PC: variants seen among roughly 807,000 people sequenced by gnomAD.
PC encodes the protein pyruvate carboxylase.
In PC, 46 loss-of-function variants were observed where a neutral mutation model predicts 107.8. That is an observed-to-expected ratio of 0.43 (90% confidence interval 0.34 to 0.55). The LOEUF (loss-of-function observed/expected upper bound fraction) is 0.55. PC is among the 20% of genes least tolerant of loss of function. The probability of loss-of-function intolerance (pLI) is 0.04; values close to 1 mark genes in which losing one functional copy is unlikely to be tolerated. For missense variants in PC, 1,241 were observed against 1,643.1 expected (o/e 0.76, Z 4.23); for synonymous variants, 662 against 684.7 (o/e 0.97, Z 0.52).
At chr11:66,957,049 G>C (rs1204066611) in intron 1 of PC, among the ~76,000 whole-genome samples, 1 of 152,256 alleles carries the variant, frequency 6.6e-6, no homozygotes, top group Non-Finnish European at 1.5e-5. Context: ...AGGAGAGCCT[G>C]CAGGCAGGAA....
chr11:66,882,810 G>A (rs943169250), intron 3 of PC, among the ~76,000 whole-genome samples: 4 of 152,210 alleles, frequency 2.6e-5, no homozygotes, highest in African/African-American at 9.7e-5. Context: ...ACGGGCCCCA[G>A]GGCTGGCAGC....
At chr11:66,868,624 T>G (rs940497382) in intron 10 of PC, among the ~76,000 whole-genome samples, 2 of 152,206 alleles carry the variant, frequency 1.3e-5, no homozygotes, top group Non-Finnish European at 2.9e-5. Context: ...AGAGGAGGGC[T>G]GTCAGTCATT....
rs375365758 is a variant in PC at position 66,871,398 on chromosome 11, C to G, written c.404G>C (p.Gly135Ala). The G allele has an allele frequency of 6.2e-7, 1 of 1,613,748 alleles. No individual in the cohort carries two copies. The highest frequency in any genetic ancestry group is 8.5e-7 in the Non-Finnish European group (1 of 1,180,036). ...ADFAQACQDA[G>A]VRFIGPSPEV... ...TGGGCTTGGCCCAATAAACCGGACC[C>G]CTGCATCCTGGCAGGCCTGGGCGAA... The change falls in exon 6 of 23, where the codon GGG (glycine) becomes GCG (alanine). Residue 135 changes from glycine to alanine, a missense_variant. Physicochemically the swap from Gly to Ala is moderately conservative, Grantham distance 60 (BLOSUM62 0). Around this residue, in one of 2 missense-constraint regions of PC, gnomAD observed 1,143 missense variants for 1,551.9 expected, o/e 0.74. Coordinates refer to ENST00000393960, the MANE Select transcript of PC (RefSeq NM_001040716.2). This position sits in a 1 kb window ranked among gnomAD's most constrained non-coding sequence, Gnocchi z 7.4.
chr11:66,923,111 A>AATCCCAGC (rs938081330), intron 3 of PC, among the ~76,000 whole-genome samples: 1 of 152,160 alleles, frequency 6.6e-6, no homozygotes, highest in Admixed American at 6.5e-5. Flanking sequence ...TCACGCCTGT[A>AATCCCAGC]ATCCCAGCAC....
intron 3 of PC, among the ~76,000 whole-genome samples, chr11:66,921,747 A>C (rs542234951): frequency 6.6e-6 from 1 of 152,318 alleles, no homozygotes; most frequent in South Asian, 2.1e-4. Context: ...GTAAGTAGAG[A>C]TAATACATGA....
chr11:66,858,717 T>G lies in PC; in HGVS notation c.1368+5057A>C, dbSNP rs1946039650. On this transcript the variant is annotated intron_variant, in intron 12 of 22. Coordinates refer to ENST00000393960, the MANE Select transcript of PC (RefSeq NM_001040716.2). The surrounding 1 kb of genome is among the most constrained non-coding windows in gnomAD (Gnocchi z 5.9). ...TCCTGACGACCGGTTGGTTGGCAAC[T>G]CCTCCCGAGCCCGGGCTTTCCCCAA... 6.4e-7 allele frequency: 1 copy of G among 1,551,960 alleles called. No homozygotes were observed. Among genetic ancestry groups the G allele is most frequent in the Non-Finnish European group, 8.7e-7 (1 of 1,146,622 alleles).
chr11:66,954,955 A>C (rs911717104), intron 1 of PC, among the ~76,000 whole-genome samples: 4 of 152,084 alleles, frequency 2.6e-5, no homozygotes, highest in African/African-American at 9.7e-5. Flanking sequence ...AAAAAAAAAA[A>C]ACACAGAAAA....
chr11:66,953,058 C>T (rs1376905065), intron 2 of PC, among the ~76,000 whole-genome samples: 2 of 152,250 alleles, frequency 1.3e-5, no homozygotes, highest in Admixed American at 1.3e-4. Flanking sequence ...ACACGCACAG[C>T]AGTGGCACCA....
At chr11:66,856,158 G>A (rs1945805039) in intron 12 of PC, among the ~76,000 whole-genome samples, 1 of 152,228 alleles carries the variant, frequency 6.6e-6, no homozygotes, top group Non-Finnish European at 1.5e-5. Flanking sequence ...CACGCCGGGA[G>A]CCCTTTCTCT....
chr11:66,952,352 A>C (rs1348006598), intron 3 of PC, 78 bp downstream of exon 3: 1 of 152,268 alleles, frequency 6.6e-6, no homozygotes, highest in Admixed American at 6.5e-5. Context: ...CTGACATGCC[A>C]AACTGCTGGC....
intron 3 of PC, among the ~76,000 whole-genome samples, chr11:66,946,079 C>A (rs1949279034): frequency 8.1e-6 from 1 of 124,198 alleles, no homozygotes; most frequent in Non-Finnish European, 1.6e-5. Flanking sequence ...GGCGACAGAG[C>A]GAGACTCCGT....
intron 3 of PC, among the ~76,000 whole-genome samples, chr11:66,917,956 T>C (rs943148243): frequency 6.6e-6 from 1 of 152,114 alleles, no homozygotes; most frequent in Non-Finnish European, 1.5e-5. Context: ...TGGAAGCTGG[T>C]TAGCTTTCCC....
At chr11:66,863,388 C>T (rs183263663) in intron 12 of PC, among the ~76,000 whole-genome samples, 6 of 152,290 alleles carry the variant, frequency 3.9e-5, no homozygotes, top group Admixed American at 1.3e-4. Context: ...CAGGTTCTGG[C>T]GCCTCTACCC....
intron 3 of PC, among the ~76,000 whole-genome samples, chr11:66,905,398 G>A (rs2136056319): frequency 6.6e-6 from 1 of 152,302 alleles, no homozygotes; most frequent in East Asian, 1.9e-4. Context: ...ACTCCAAGCT[G>A]ACTCTGTTCA....
intron 3 of PC, among the ~76,000 whole-genome samples, chr11:66,941,335 G>C (rs1007631922): frequency 2.0e-5 from 3 of 152,088 alleles, no homozygotes; most frequent in African/African-American, 4.8e-5. Context: ...CAGCAATCAG[G>C]TATATATCCA....
intron 3 of PC, among the ~76,000 whole-genome samples, chr11:66,925,544 T>C (rs1948696928): frequency 1.3e-5 from 2 of 152,324 alleles, no homozygotes; most frequent in Admixed American, 6.5e-5. Context: ...ATCGCTGTTA[T>C]CCTGTTCTTT....
chr11:66,852,646 C>T lies in PC; in HGVS notation c.1618G>A (p.Gly540Ser). ...TCTCGCAGCAGGATGTCTCTGAAACCAGCCGGGGGCGGGCCTAGGGTAGAC... is the reference window on the plus strand; with the variant it reads ...TCTCGCAGCAGGATGTCTCTGAAACTAGCCGGGGGCGGGCCTAGGGTAGAC... ...PAVPIGPPPAGFRDILLREGP... is the reference protein window; with the variant it reads ...PAVPIGPPPASFRDILLREGP... The change falls in exon 15 of 23, where the codon GGT becomes AGT. Residue 540 changes from glycine to serine, a missense_variant. Coordinates refer to ENST00000393960, the MANE Select transcript of PC (RefSeq NM_001040716.2). The surrounding 1 kb of genome is among the most constrained non-coding windows in gnomAD (Gnocchi z 4.7). The T allele has an allele frequency of 6.2e-7, 1 of 1,613,704 alleles. No individual in the cohort carries two copies. Among genetic ancestry groups the T allele is most frequent in the Non-Finnish European group, 8.5e-7 (1 of 1,179,700 alleles).
chr11:66,927,617 G>A (rs1053211614), intron 3 of PC, among the ~76,000 whole-genome samples: 1 of 151,932 alleles, frequency 6.6e-6, no homozygotes, highest in Non-Finnish European at 1.5e-5. Flanking sequence ...CAGCTACTAG[G>A]GAGGCTGAGG....
At chr11:66,880,365 C>T (rs1947143981) in intron 3 of PC, among the ~76,000 whole-genome samples, 1 of 152,160 alleles carries the variant, frequency 6.6e-6, no homozygotes, top group Non-Finnish European at 1.5e-5. Context: ...GGCAGACTCC[C>T]CCTGCTCCCC....
Sources: gnomAD v4.1 joint callset for allele counts (sites outside exome capture counted in the v4.1 genomes callset) on GRCh38, gnomAD v4.1.1 for gene constraint, gnomAD v4.1.1 regional missense constraint, Gnocchi (gnomAD v3.1) non-coding constraint, MANE v1.5 for transcripts, NCBI Gene and HGNC (gene_info 2026-07-23, HGNC 2026-07-21) for gene names.